Variants in NOL4 observed in about 807,000 individuals in gnomAD.
The protein encoded by NOL4 is nucleolar protein 4.
A neutral mutation model predicts 75.9 loss-of-function variants in NOL4; 17 were observed. The observed-to-expected ratio is 0.22, with a 90% confidence interval of 0.15 to 0.34. The LOEUF (loss-of-function observed/expected upper bound fraction) is 0.34. Ranked by LOEUF, NOL4 falls within the 10% of genes least tolerant of loss-of-function variation. The pLI, the probability that NOL4 is intolerant of heterozygous loss-of-function variation, is 1.00. For missense variants in NOL4, 614 were observed against 793.5 expected (o/e 0.77, Z 2.72); for synonymous variants, 292 against 289.9 (o/e 1.01, Z -0.07).
intron 5 of NOL4, among the ~76,000 whole-genome samples, chr18:34,081,954 G>A (rs1460230858): frequency 6.6e-6 from 1 of 152,032 alleles, no homozygotes; most frequent in Non-Finnish European, 1.5e-5. Flanking sequence ...ACATTTCAAT[G>A]GCTACAAATA....
At chr18:34,065,184 C>T (rs28431791) in intron 5 of NOL4, among the ~76,000 whole-genome samples, 34,494 of 151,736 alleles carry the variant, frequency 0.23, 4,567 homozygotes, top group East Asian at 0.44. Context: ...GAAGAGATAG[C>T]AAATGCTTGA....
At chr18:33,866,884 A>C (rs2144400857) in intron 10 of NOL4, among the ~76,000 whole-genome samples, 1 of 152,286 alleles carries the variant, frequency 6.6e-6, no homozygotes, top group Non-Finnish European at 1.5e-5. Flanking sequence ...ATACATTTTC[A>C]AATAACAGGA....
chr18:33,964,590 G>T (rs77937355), intron 6 of NOL4, among the ~76,000 whole-genome samples: 8,615 of 152,172 alleles, frequency 0.057, 374 homozygotes, highest in Non-Finnish European at 0.085. Flanking sequence ...AGAAACAGTG[G>T]TTCTCAAAAT....
intron 6 of NOL4, among the ~76,000 whole-genome samples, chr18:33,982,169 T>C (rs2072016606): frequency 6.6e-6 from 1 of 151,948 alleles, no homozygotes; most frequent in Non-Finnish European, 1.5e-5. Context: ...AGGCAATGAA[T>C]AGAAAACAGT....
At chr18:34,041,553 C>T (rs530297883) in intron 5 of NOL4, among the ~76,000 whole-genome samples, 47 of 151,346 alleles carry the variant, frequency 3.1e-4, no homozygotes, top group African/African-American at 1.1e-3. Context: ...AAATTTCTTA[C>T]ATGCTTAAAG....
intron 10 of NOL4, among the ~76,000 whole-genome samples, chr18:33,877,001 A>G (rs1242706372): frequency 6.6e-6 from 1 of 152,102 alleles, no homozygotes; most frequent in African/African-American, 2.4e-5. Context: ...TTTGTTTGCC[A>G]AGATTAGTGT....
intron 1 of NOL4, among the ~76,000 whole-genome samples, chr18:34,154,871 A>G (rs547127247): frequency 6.6e-6 from 1 of 151,998 alleles, no homozygotes; most frequent in South Asian, 2.1e-4. Context: ...AGTGGTTTTA[A>G]TTTTAATTTC....
At chr18:34,056,260 C>T (rs1218983003) in intron 5 of NOL4, among the ~76,000 whole-genome samples, 1 of 152,156 alleles carries the variant, frequency 6.6e-6, no homozygotes, top group Non-Finnish European at 1.5e-5. Context: ...CCTGCCCAAG[C>T]CATTATGCAC....
chr18:34,152,518 T>C (rs540168839), intron 1 of NOL4, among the ~76,000 whole-genome samples: 9 of 152,038 alleles, frequency 5.9e-5, no homozygotes, highest in African/African-American at 2.2e-4. Flanking sequence ...TAATTTTGTT[T>C]GCAAAAATTC....
At chr18:34,213,938 G>A (rs2036692492) in intron 1 of NOL4, among the ~76,000 whole-genome samples, 1 of 152,114 alleles carries the variant, frequency 6.6e-6, no homozygotes, top group African/African-American at 2.4e-5. Flanking sequence ...CTTTTAAAAG[G>A]TCCATATTTA....
chr18:33,992,062 C>T (rs1222814371), intron 6 of NOL4, among the ~76,000 whole-genome samples: 1 of 149,588 alleles, frequency 6.7e-6, no homozygotes, highest in East Asian at 1.9e-4. Flanking sequence ...ATGATAGATA[C>T]TCCAGTACAA....
chr18:34,076,926 A>C (rs1475471460), intron 5 of NOL4, among the ~76,000 whole-genome samples: 2 of 152,130 alleles, frequency 1.3e-5, no homozygotes, highest in African/African-American at 4.8e-5. Flanking sequence ...CTTATATTTG[A>C]TCTGCACACA....
chr18:34,222,032 CA>C, intron 1 of NOL4: 1 of 1,535,490 alleles, frequency 6.5e-7, no homozygotes, highest in Non-Finnish European at 8.7e-7. Flanking sequence ...TGGCATGATG[CA>C]GAAAGGTCTC....
intron 10 of NOL4, among the ~76,000 whole-genome samples, chr18:33,870,777 C>G (rs904877771): frequency 6.6e-6 from 1 of 151,656 alleles, no homozygotes; most frequent in Non-Finnish European, 1.5e-5. Context: ...AAATAGGCAC[C>G]AACAAAAAAA....
chr18:33,871,853 C>T (rs1362364765), intron 10 of NOL4, among the ~76,000 whole-genome samples: 2 of 152,048 alleles, frequency 1.3e-5, no homozygotes, highest in African/African-American at 4.8e-5. Flanking sequence ...TCACTCACCT[C>T]CCTTTTCAGG....
intron 9 of NOL4, among the ~76,000 whole-genome samples, chr18:33,911,364 C>T (rs1458445397): frequency 6.6e-6 from 1 of 152,010 alleles, no homozygotes; most frequent in East Asian, 1.9e-4. Context: ...CTTTCTCTAA[C>T]TCTCATTAGC....
rs2074907183 is a variant in NOL4, at chr18:34,019,440, A to G, written c.934T>C (p.Ser312Pro). 6.2e-7 allele frequency: 1 copy of G among 1,613,948 alleles called. No individual in the cohort carries two copies. The change falls in exon 6 of 11, where the codon TCT becomes CCT. Residue 312 changes from serine to proline, a missense_variant. Physicochemically the swap from Ser to Pro is moderately conservative, Grantham distance 74. Around this residue, in one of 9 missense-constraint regions of NOL4, gnomAD observed 196 missense variants for 167.9 expected, o/e 1.17. Coordinates refer to ENST00000261592, the MANE Select transcript of NOL4 (RefSeq NM_003787.5). Reference sequence around the variant, plus strand: ...CTGTATTCCGAAGTTAGCTGCGCAGAGAGGGGACTGTCACTCAGGTTCAGT... The same window carrying G: ...CTGTATTCCGAAGTTAGCTGCGCAGGGAGGGGACTGTCACTCAGGTTCAGT... ...QPLNLSDSPL[S>P]AQLTSEYRID...
intron 6 of NOL4, among the ~76,000 whole-genome samples, chr18:33,980,036 T>C (rs766317660): frequency 1.3e-5 from 2 of 152,070 alleles, no homozygotes; most frequent in Non-Finnish European, 2.9e-5. Context: ...AGGAGCTTAG[T>C]TGTTGCCACT....
chr18:34,041,718 T>C (rs1006284101), intron 5 of NOL4, among the ~76,000 whole-genome samples: 1 of 151,946 alleles, frequency 6.6e-6, no homozygotes, highest in African/African-American at 2.4e-5. Flanking sequence ...TTTTAGTAGT[T>C]GGGGTGACCG....
Sources: gnomAD v4.1 joint callset for allele counts (sites outside exome capture counted in the v4.1 genomes callset) on GRCh38, gnomAD v4.1.1 for gene constraint, gnomAD v4.1.1 regional missense constraint, MANE v1.5 for transcripts, NCBI Gene and HGNC (gene_info 2026-07-23, HGNC 2026-07-21) for gene names.